Variants in TPRG1 observed in about 807,000 individuals in gnomAD.
TPRG1 encodes tumor protein p63 regulated 1.
TPRG1 carries 29 observed loss-of-function variants against 29.3 expected under a neutral mutation model. The ratio of observed to expected loss-of-function variants is 0.99; its 90% CI spans 0.74 to 1.35. The LOEUF (loss-of-function observed/expected upper bound fraction) is 1.35. Among genes scored for constraint, TPRG1 ranks in the 40% most tolerant of loss-of-function variants. The pLI, the probability that TPRG1 is intolerant of heterozygous loss-of-function variation, is 0.00. For synonymous variants in TPRG1, 130 were observed against 116.8 expected, an observed-to-expected ratio of 1.11 and a Z score of -0.73; for missense variants, 327 against 335.0, an observed-to-expected ratio of 0.98 and a Z score of 0.19.
At chr3:189,028,692 G>C (rs1713786452) in intron 4 of TPRG1, among the ~76,000 whole-genome samples, 1 of 152,160 alleles carries the variant, frequency 6.6e-6, no homozygotes, top group Non-Finnish European at 1.5e-5. Flanking sequence ...TATCATTGCT[G>C]TGATGTAGTA....
intron 3 of TPRG1, among the ~76,000 whole-genome samples, chr3:189,144,435 A>G (rs1391192212): frequency 6.6e-6 from 1 of 152,224 alleles, no homozygotes; most frequent in East Asian, 1.9e-4. Flanking sequence ...TAGTGATGTG[A>G]CTTCACATTT....
intron 4 of TPRG1, among the ~76,000 whole-genome samples, chr3:189,029,367 G>A (rs1233627741): frequency 6.6e-6 from 1 of 152,168 alleles, no homozygotes; most frequent in Non-Finnish European, 1.5e-5. Context: ...GAATGTCGAT[G>A]TTATAAAACA....
At chr3:189,055,567 C>T (rs536120445) in intron 4 of TPRG1, among the ~76,000 whole-genome samples, 2 of 152,290 alleles carry the variant, frequency 1.3e-5, no homozygotes, top group East Asian at 3.9e-4. Context: ...TTAAAGGAAA[C>T]TCTCCATCTT....
chr3:189,011,407 T>C (rs1472136416), intron 3 of TPRG1, among the ~76,000 whole-genome samples: 1 of 152,226 alleles, frequency 6.6e-6, no homozygotes, highest in African/African-American at 2.4e-5. Context: ...TTCATTTTCA[T>C]GCTGCTGAAA....
chr3:189,289,823 C>T (rs767347399), intron 4 of TPRG1, among the ~76,000 whole-genome samples: 2 of 152,120 alleles, frequency 1.3e-5, no homozygotes, highest in Non-Finnish European at 2.9e-5. Context: ...CCACGATGCT[C>T]TATTATCTAC....
In TPRG1 at chr3:189,075,179, C is replaced by T. The variant is rs1717082087; in HGVS notation, c.-463+51233C>T. ...ACGAAGTCTCAGTCTGTTGCCCAGG[C>T]TGGAGTGCAATGGCACGATCTCCAC... On this transcript the variant is annotated intron_variant, in intron 4 of 10. Coordinates refer to the TPRG1 transcript ENST00000433971. Among the ~76,000 whole-genome samples, 3 of 152,072 alleles carry T rather than the reference C, an allele frequency of 2.0e-5. No homozygotes were observed. The South Asian group carries it at 6.2e-4, about 32-fold the overall frequency.
At chr3:189,172,382 G>A (rs764820452) in intron 1 of TPRG1, among the ~76,000 whole-genome samples, 1 of 152,098 alleles carries the variant, frequency 6.6e-6, no homozygotes, top group South Asian at 2.1e-4. Flanking sequence ...TATTGATTTT[G>A]ATCTTAACTG....
At chr3:189,048,608 G>A (rs7611621) in intron 4 of TPRG1, among the ~76,000 whole-genome samples, 18,988 of 151,992 alleles carry the variant, frequency 0.12, 2,128 homozygotes, top group African/African-American at 0.3. Flanking sequence ...TTCTACCTTG[G>A]AAATCTGGGC....
At chr3:189,193,110 C>G (rs1298410586) in intron 1 of TPRG1, among the ~76,000 whole-genome samples, 2 of 140,124 alleles carry the variant, frequency 1.4e-5, no homozygotes, top group Non-Finnish European at 3.1e-5. Context: ...TTTTAGAATT[C>G]TCTCTTTGTT....
At chr3:189,265,859 T>C (rs1713976234) in intron 4 of TPRG1, among the ~76,000 whole-genome samples, 1 of 152,150 alleles carries the variant, frequency 6.6e-6, no homozygotes, top group East Asian at 1.9e-4. Flanking sequence ...TGCCTTCCAC[T>C]CCTGTACTGT....
intron 1 of TPRG1, 81 bp from the exon 2 acceptor site, chr3:189,207,295 A>C: frequency 7.8e-6 from 12 of 1,532,520 alleles, no homozygotes; most frequent in Non-Finnish European, 9.7e-6. Context: ...CCGTTTGCTC[A>C]TCATATTCTG....
intron 3 of TPRG1, among the ~76,000 whole-genome samples, chr3:189,230,085 G>A (rs996143239): frequency 2.0e-5 from 3 of 152,166 alleles, no homozygotes; most frequent in African/African-American, 7.2e-5. Flanking sequence ...GGTCAGGGGT[G>A]GGCCTCTTGT....
At chr3:189,111,385 G>A (rs1480716880) in intron 1 of TPRG1, among the ~76,000 whole-genome samples, 1 of 151,986 alleles carries the variant, frequency 6.6e-6, no homozygotes. Context: ...TTCATTGCTA[G>A]TATAGATGAT....
At chr3:189,184,416 T>C (rs756213274) in intron 1 of TPRG1, among the ~76,000 whole-genome samples, 13 of 152,198 alleles carry the variant, frequency 8.5e-5, no homozygotes, top group Admixed American at 1.3e-4. Flanking sequence ...ATAGCATAAC[T>C]CCATTGTTTA....
intron 5 of TPRG1, among the ~76,000 whole-genome samples, chr3:189,163,999 A>G (rs1727829828): frequency 6.6e-6 from 1 of 152,172 alleles, no homozygotes; most frequent in Non-Finnish European, 1.5e-5. Flanking sequence ...CATAATAAAC[A>G]AATAAATAAG....
In TPRG1 at chr3:189,247,630, G is replaced by A. The variant is rs1741556097; in HGVS notation, c.479+8721G>A. 2.6e-5 allele frequency among the ~76,000 whole-genome samples: 4 copies of A among 151,664 alleles called. No individual in the cohort carries two copies. In the South Asian group the frequency reaches 6.2e-4, roughly 24 times the overall value. Reference sequence around the variant, plus strand: ...TGGCAAAGTGGGGAGTGGAAGAATGGGTTTTATTCACTTATCAATTGTGTC... The same window carrying A: ...TGGCAAAGTGGGGAGTGGAAGAATGAGTTTTATTCACTTATCAATTGTGTC... On this transcript the variant is annotated intron_variant, in intron 4 of 5. Coordinates refer to ENST00000345063, the MANE Select transcript of TPRG1 (RefSeq NM_198485.4).
chr3:189,269,345 A>G (rs1026938397), intron 4 of TPRG1, among the ~76,000 whole-genome samples: 11 of 152,140 alleles, frequency 7.2e-5, no homozygotes, highest in Non-Finnish European at 1.5e-4. Context: ...CACCAGCCAT[A>G]TATTATTTTG....
chr3:189,056,765 C>A (rs1197121658), intron 4 of TPRG1, among the ~76,000 whole-genome samples: 1 of 152,106 alleles, frequency 6.6e-6, no homozygotes, highest in Non-Finnish European at 1.5e-5. Flanking sequence ...CAGATTGAAT[C>A]CATGATACTG....
Position 189,207,489 on chromosome 3 carries a change from C to A in TPRG1, c.105C>A (p.Asp35Glu), listed in dbSNP as rs1456173372. 1 of 1,614,010 alleles carries A rather than the reference C, an allele frequency of 6.2e-7. No homozygotes were observed. Among genetic ancestry groups the A allele is most frequent in the Non-Finnish European group, 8.5e-7 (1 of 1,179,968 alleles). The change falls in exon 2 of 6, where the codon GAC becomes GAA. Residue 35 changes from aspartate (D) to glutamate (E), a missense_variant. Coordinates refer to ENST00000345063, the MANE Select transcript of TPRG1 (RefSeq NM_198485.4). ...ETDHLSMEEEDPMPRQISRQS... is the reference protein window; with the variant it reads ...ETDHLSMEEEEPMPRQISRQS... Reference sequence around the variant, plus strand: ...ACCACCTATCGATGGAGGAAGAGGACCCGATGCCAAGACAGATTTCAAGGC... The same window carrying A: ...ACCACCTATCGATGGAGGAAGAGGAACCGATGCCAAGACAGATTTCAAGGC...
Sources: allele counts gnomAD v4.1 joint callset (sites outside exome capture counted in the v4.1 genomes callset), GRCh38; gene constraint gnomAD v4.1.1; transcripts MANE v1.5; gene names NCBI Gene and HGNC (gene_info 2026-07-23, HGNC 2026-07-21).